LRIT3: variants seen among roughly 807,000 people sequenced by gnomAD.
LRIT3 encodes the protein leucine-rich repeat, immunoglobulin-like domain and transmembrane domain-containing protein 3.
A neutral mutation model predicts 22.6 loss-of-function variants in LRIT3; 14 were observed. That is an observed-to-expected ratio of 0.62 (90% confidence interval 0.41 to 0.97). LRIT3 has a LOEUF of 0.97. Among genes scored for constraint, LRIT3 ranks in the 50% least tolerant of loss-of-function variants. The pLI is 0.00. For synonymous variants in LRIT3, 306 were observed against 304.5 expected (o/e 1.01, Z -0.05); for missense variants, 783 against 803.0 (o/e 0.98, Z 0.30).
At chr4:109,850,431 CTTTCTT>C in intron 1 of LRIT3, among the ~76,000 whole-genome samples, 1 of 82,724 alleles carries the variant, frequency 1.2e-5, no homozygotes, top group Non-Finnish European at 2.3e-5. Flanking sequence ...TCCTTTCTTT[CTTTCTT>C]TCTTTCTTTC....
rs569351601 is a variant in LRIT3, at chr4:109,855,716, T to C, written c.589+3740T>C. ...CGCTCTACACACTGCTTTAAATGTG[T>C]CCCAGAGATTCTGGTATGTTCTGTC... On this transcript the variant is annotated intron_variant, in intron 2 of 3. Coordinates refer to ENST00000594814, the MANE Select transcript of LRIT3 (RefSeq NM_198506.5). 1.2e-3 allele frequency among the ~76,000 whole-genome samples: 177 copies of C among 152,328 alleles called. 2 individuals carry two copies. The highest frequency in any genetic ancestry group is 2.2e-3 in the Non-Finnish European group (151 of 68,028).
At chr4:109,853,004 C>G (rs1425141801) in intron 2 of LRIT3, among the ~76,000 whole-genome samples, 1 of 151,744 alleles carries the variant, frequency 6.6e-6, no homozygotes, top group Non-Finnish European at 1.5e-5. Context: ...GCATTTGGTT[C>G]GAAGTCTTTG....
At chr4:109,864,823 G>A (rs1439996101) in intron 2 of LRIT3, among the ~76,000 whole-genome samples, 1 of 152,112 alleles carries the variant, frequency 6.6e-6, no homozygotes, top group East Asian at 1.9e-4. Context: ...CTTTTAGTCT[G>A]TATTGTAGTC....
Position 109,851,966 on chromosome 4 carries a change from G to C in LRIT3, c.579G>C (p.Arg193Ser), listed in dbSNP as rs762235935. 4 of 1,542,236 alleles carry C rather than the reference G, an allele frequency of 2.6e-6. No individual in the cohort carries two copies. The South Asian group carries it at 4.8e-5, about 19-fold the overall frequency. The change falls in exon 2 of 4, where the codon AGG becomes AGC. Residue 193 changes from arginine (R) to serine (S), a missense_variant. By Grantham distance (110) the Arg-to-Ser change is moderately radical. This residue lies in a region of LRIT3 where 756 missense variants were observed against 753.8 expected (regional missense o/e 1.00). Coordinates refer to ENST00000594814, the MANE Select transcript of LRIT3 (RefSeq NM_198506.5). Reference protein sequence around the residue: ...PSGVLDLSPSRIILGLQDNPW... With the variant: ...PSGVLDLSPSSIILGLQDNPW... ...GAGTCCTGGACCTTTCCCCAAGCAG[G>C]ATTATTCTTGGTAAGCTCGCAAGCC...
intron 2 of LRIT3, among the ~76,000 whole-genome samples, chr4:109,866,094 G>C (rs1192142983): frequency 2.6e-5 from 4 of 151,924 alleles, no homozygotes; most frequent in Non-Finnish European, 4.4e-5. Context: ...ACCAATCCTG[G>C]CAGAAAAATA....
intron 2 of LRIT3, chr4:109,865,251 C>A: frequency 6.4e-7 from 1 of 1,572,846 alleles, no homozygotes; most frequent in East Asian, 2.3e-5. Context: ...TGAGCCTCAT[C>A]AGGAACCCAG....
intron 3 of LRIT3, among the ~76,000 whole-genome samples, chr4:109,868,641 C>T (rs901247368): frequency 6.6e-6 from 1 of 150,852 alleles, no homozygotes; most frequent in Non-Finnish European, 1.5e-5. Flanking sequence ...TACATGGACA[C>T]CTTATTATGA....
chr4:109,872,059 C>T lies in LRIT3; in HGVS notation c.*1270C>T, dbSNP rs1298476453. The T allele has an allele frequency of 6.6e-6, 1 of 152,176 alleles. No individual in the cohort carries two copies. The highest frequency in any genetic ancestry group is 2.4e-5 in the African/African-American group (1 of 41,450). 9.4% of individuals were successfully genotyped at this position (152,176 alleles called of 1,614,324 possible). A position where few individuals can be genotyped will look rare whatever the true frequency, so the allele number is the denominator to read the frequency against. ...CAAGGCCACCTCAGCACAGATGCAA[C>T]TTTCATAAATTTTAGAACAAAGCCT... On this transcript the variant is annotated 3_prime_UTR_variant, in exon 4 of 4. Coordinates refer to ENST00000594814, the MANE Select transcript of LRIT3 (RefSeq NM_198506.5).
chr4:109,865,427 GACT>G, intron 2 of LRIT3: 1 of 816,112 alleles, frequency 1.2e-6, no homozygotes, highest in South Asian at 1.9e-5. Flanking sequence ...TCTATGAACT[GACT>G]ACATTATTAT....
rs1734814876 is a variant in LRIT3 at position 109,870,711 on chromosome 4, G to T, written c.1962G>T (p.Leu654Phe). The T allele has an allele frequency of 5.0e-6, 8 of 1,614,018 alleles. No homozygotes were observed. Among genetic ancestry groups the T allele is most frequent in the Non-Finnish European group, 6.8e-6 (8 of 1,180,018 alleles). The change falls in exon 4 of 4, where the codon TTG becomes TTT. Residue 654 changes from leucine to phenylalanine, a missense_variant. Leu to Phe is a conservative substitution (Grantham distance 22, BLOSUM62 0). Transcript: ENST00000594814. ...TRSHRDDSEK[L>F]LLCSRSSVES... Reference sequence around the variant, plus strand: ...GCCACAGGGATGACTCAGAGAAATTGCTGCTTTGTTCTAGGTCAAGTGTGG... The same window carrying T: ...GCCACAGGGATGACTCAGAGAAATTTCTGCTTTGTTCTAGGTCAAGTGTGG...
intron 1 of LRIT3, 29 bp downstream of exon 1, chr4:109,848,346 T>A (rs140857303): frequency 2.6e-6 from 3 of 1,173,574 alleles, no homozygotes; most frequent in Non-Finnish European, 3.2e-6. Context: ...TACTAAGTGT[T>A]CTCATTATTT....
At chr4:109,850,817 T>A (rs1389909171) in intron 1 of LRIT3, among the ~76,000 whole-genome samples, 1 of 152,096 alleles carries the variant, frequency 6.6e-6, no homozygotes. Flanking sequence ...CTGTTTTATA[T>A]GTGCCAACAA....
intron 1 of LRIT3, among the ~76,000 whole-genome samples, chr4:109,849,509 A>G (rs1734156788): frequency 6.6e-6 from 1 of 152,242 alleles, no homozygotes; most frequent in South Asian, 2.1e-4. Flanking sequence ...CTTGTCCTAG[A>G]TCATATAATT....
At chr4:109,849,906 C>A (rs1734168706) in intron 1 of LRIT3, among the ~76,000 whole-genome samples, 1 of 152,216 alleles carries the variant, frequency 6.6e-6, no homozygotes, top group South Asian at 2.1e-4. Flanking sequence ...AGCCACCGCA[C>A]CCGGCCAATA....
Position 109,857,995 on chromosome 4 carries a change from G to T in LRIT3, c.589+6019G>T, listed in dbSNP as rs567459787. On this transcript the variant is annotated intron_variant, in intron 2 of 3. Transcript: ENST00000594814. Reference sequence around the variant, plus strand: ...ACCAGATGGTAGTGTGACCTCCAAGGTTTGAATATCTAATGAGAAACATCC... The same window carrying T: ...ACCAGATGGTAGTGTGACCTCCAAGTTTTGAATATCTAATGAGAAACATCC... 6.6e-5 allele frequency among the ~76,000 whole-genome samples: 10 copies of T among 152,236 alleles called. 1 individual carries two copies. The South Asian group carries it at 2.1e-3, about 32-fold the overall frequency.
At chr4:109,854,417 A>T (rs1335925857) in intron 2 of LRIT3, among the ~76,000 whole-genome samples, 1 of 152,132 alleles carries the variant, frequency 6.6e-6, no homozygotes, top group African/African-American at 2.4e-5. Flanking sequence ...AATGCTTGTG[A>T]TTTTAGCACA....
chr4:109,862,278 A>T (rs887817860), intron 2 of LRIT3, among the ~76,000 whole-genome samples: 23 of 152,244 alleles, frequency 1.5e-4, no homozygotes, highest in Admixed American at 6.5e-4. Context: ...AAGAATAGTT[A>T]TATAAAGTAA....
At position 109,869,680 on chromosome 4, in the gene LRIT3, T is replaced by C; in HGVS notation, c.931T>C (p.Ser311Pro). Residue 311 changes from serine (S) to proline (P), a missense_variant, in exon 4 of 4, where the codon TCC becomes CCC. This residue lies in a region of LRIT3 where 756 missense variants were observed against 753.8 expected (regional missense o/e 1.00). Coordinates refer to ENST00000594814, the MANE Select transcript of LRIT3 (RefSeq NM_198506.5). ...ATCTCCAGAGGAAGGAGTCAGATGG[T>C]CCATAATGAGCTTGACAGGCATTTC... ...QESPEEGVRW[S>P]IMSLTGISSK... is the part of the protein sequence containing the mutation. 1 of 1,582,212 alleles carries C rather than the reference T, an allele frequency of 6.3e-7. No individual in the cohort carries two copies. Among genetic ancestry groups the C allele is most frequent in the Non-Finnish European group, 8.6e-7 (1 of 1,163,432 alleles).
chr4:109,865,073 C>T, intron 2 of LRIT3: 26 of 1,395,580 alleles, frequency 1.9e-5, no homozygotes, highest in South Asian at 1.5e-4. Context: ...TTTGTTGTTC[C>T]ATCTTTGGTT....
Sources: gnomAD v4.1 joint callset for allele counts (sites outside exome capture counted in the v4.1 genomes callset) on GRCh38, gnomAD v4.1.1 for gene constraint, gnomAD v4.1.1 regional missense constraint, MANE v1.5 for transcripts, NCBI Gene and HGNC (gene_info 2026-07-23, HGNC 2026-07-21) for gene names.